Variants in SNIP1 observed in about 807,000 individuals in gnomAD.
The protein encoded by SNIP1 is smad nuclear-interacting protein 1.
In SNIP1, 23 loss-of-function variants were observed where a neutral mutation model predicts 37.4. The observed-to-expected ratio is 0.61, with a 90% CI of 0.44 to 0.87. SNIP1 has a LOEUF of 0.87. Ranked by LOEUF, SNIP1 falls within the 40% of genes least tolerant of loss-of-function variation. SNIP1 has a pLI of 0.00. For missense variants in SNIP1, 459 were observed against 540.4 expected, an observed-to-expected ratio of 0.85 and a Z score of 1.49; for synonymous variants, 174 against 200.0, an observed-to-expected ratio of 0.87 and a Z score of 1.10.
In SNIP1 at chr1:37,543,934, G is replaced by A. The variant is rs112233480; in HGVS notation, c.328-3179C>T. 5.6e-3 allele frequency among the ~76,000 whole-genome samples: 844 copies of A among 151,652 alleles called. 11 individuals carry two copies. Among genetic ancestry groups the A allele is most frequent in the African/African-American group, 0.019 (805 of 41,340 alleles). On this transcript the variant is annotated intron_variant, in intron 2 of 3. Coordinates refer to ENST00000296215, the MANE Select transcript of SNIP1 (RefSeq NM_024700.4). ...GGGGGGGGGCAGGTCACTTGAGGTC[G>A]GTCAGGAGTTCAAGACCAGCCTGGT...
chr1:37,546,309 A>G (rs959960956), intron 2 of SNIP1, among the ~76,000 whole-genome samples: 7 of 152,154 alleles, frequency 4.6e-5, no homozygotes, highest in African/African-American at 1.7e-4. Context: ...CAAGCTTGCC[A>G]CTGCTATCTG....
intron 2 of SNIP1, among the ~76,000 whole-genome samples, chr1:37,543,056 GAA>G (rs753130549): frequency 1.8e-4 from 19 of 106,256 alleles, no homozygotes; most frequent in African/African-American, 2.1e-4. Flanking sequence ...ACCCTGTCTT[GAA>G]AAAAAAAAAA....
chr1:37,550,423 A>G (rs997914199), intron 2 of SNIP1, among the ~76,000 whole-genome samples: 1 of 152,360 alleles, frequency 6.6e-6, no homozygotes, highest in Admixed American at 6.5e-5. Context: ...GGCAAAAGAT[A>G]GCTGGGCATG....
rs971050730 is a variant in SNIP1, at chr1:37,544,750, C to A, written c.328-3995G>T. 4 of 681,198 alleles carry A rather than the reference C, an allele frequency of 5.9e-6. No individual in the cohort carries two copies. In the Admixed American group the frequency reaches 7.7e-5, roughly 13 times the overall value. The allele number at this position is 681,198 out of a possible 1,614,324, so 42.2% of individuals were successfully genotyped here. On this transcript the variant is annotated intron_variant, in intron 2 of 3. Coordinates refer to ENST00000296215, the MANE Select transcript of SNIP1 (RefSeq NM_024700.4). ...CGTGCAGCCACCGCCGCACAGCCAC[C>A]GTGGCCACCACCATGACGACTGCGC... is the stretch of plus-strand genomic sequence containing the variant.
At chr1:37,542,605 T>A (rs900804468) in intron 2 of SNIP1, among the ~76,000 whole-genome samples, 8 of 151,714 alleles carry the variant, frequency 5.3e-5, no homozygotes, top group African/African-American at 1.9e-4. Flanking sequence ...CTGGGCACAG[T>A]GGTGCATGCC....
chr1:37,538,530 G>A (rs774335567), intron 3 of SNIP1, among the ~76,000 whole-genome samples: 1,355 of 121,976 alleles, frequency 0.011, 13 homozygotes, highest in Non-Finnish European at 0.017. Flanking sequence ...AAAAAAAAAA[G>A]GTGAGAATGA....
At position 37,554,291 on chromosome 1, in the gene SNIP1, G is replaced by A; in HGVS notation, c.-62C>T. 6.6e-7 allele frequency: 1 copy of A among 1,504,066 alleles called. No homozygotes were observed. 93.2% of individuals were successfully genotyped at this position (1,504,066 alleles called of 1,614,324 possible). ...TTGAGCTCCTCTAGCTGGAGGAAAT[G>A]ACGAGTTTAACTCCTGGACTTCCGC... is the stretch of plus-strand genomic sequence containing the variant. On this transcript the variant is annotated 5_prime_UTR_variant, in exon 1 of 4. Transcript: ENST00000296215.
chr1:37,549,969 CA>C (rs1025789380), intron 2 of SNIP1, among the ~76,000 whole-genome samples: 62 of 151,928 alleles, frequency 4.1e-4, no homozygotes, highest in African/African-American at 1.4e-3. Context: ...GACAAAAGAG[CA>C]AAAGTAATTC....
At chr1:37,544,846 C>T (rs1017112885) in intron 2 of SNIP1, 4 of 798,590 alleles carry the variant, frequency 5.0e-6, no homozygotes, top group Non-Finnish European at 8.9e-6. Context: ...ATGCCTCCTA[C>T]ATCTACCTGT....
At chr1:37,551,698 A>C (rs1414218389) in intron 2 of SNIP1, among the ~76,000 whole-genome samples, 5 of 152,128 alleles carry the variant, frequency 3.3e-5, no homozygotes. Context: ...CTAACACCCT[A>C]ATTTTTGACT....
chr1:37,551,439 C>T (rs934877586), intron 2 of SNIP1, among the ~76,000 whole-genome samples: 5 of 152,154 alleles, frequency 3.3e-5, no homozygotes, highest in East Asian at 1.9e-4. Context: ...GCCACTATTA[C>T]GGACTAAATT....
intron 1 of SNIP1, 93 bp downstream of exon 1, chr1:37,553,913 C>T: frequency 7.7e-7 from 1 of 1,303,800 alleles, no homozygotes; most frequent in Non-Finnish European, 1.1e-6. Flanking sequence ...GGCTGCTGCG[C>T]CCACCATTCA....
intron 3 of SNIP1, among the ~76,000 whole-genome samples, chr1:37,538,990 G>C (rs964354709): frequency 6.6e-6 from 1 of 152,108 alleles, no homozygotes; most frequent in African/African-American, 2.4e-5. Flanking sequence ...ACCCTATTGT[G>C]AACTGTGCAC....
intron 2 of SNIP1, among the ~76,000 whole-genome samples, chr1:37,551,451 T>C (rs151220815): frequency 1.3e-5 from 2 of 152,322 alleles, no homozygotes; most frequent in East Asian, 1.9e-4. Context: ...GACTAAATTG[T>C]ACCCTCCAAA....
rs979571407 is a variant in SNIP1, at chr1:37,534,606, A to G, written c.*3142T>C. ...CACGTTTAGATTCCGATTAAATGACATCATTTTGTTCCTCAGATCCTGACA... is the reference window on the plus strand; with the variant it reads ...CACGTTTAGATTCCGATTAAATGACGTCATTTTGTTCCTCAGATCCTGACA... On this transcript the variant is annotated 3_prime_UTR_variant, in exon 4 of 4. Coordinates refer to ENST00000296215, the MANE Select transcript of SNIP1 (RefSeq NM_024700.4). 6.6e-6 allele frequency: 1 copy of G among 152,226 alleles called. No individual in the cohort carries two copies. Among genetic ancestry groups the G allele is most frequent in the South Asian group, 2.1e-4 (1 of 4,834 alleles). 9.4% of individuals were successfully genotyped at this position (152,226 alleles called of 1,614,324 possible).
At chr1:37,539,285 T>C (rs957636298) in intron 3 of SNIP1, among the ~76,000 whole-genome samples, 2 of 152,208 alleles carry the variant, frequency 1.3e-5, no homozygotes, top group Non-Finnish European at 2.9e-5. Context: ...CCAAAAAGGT[T>C]GGGGACCACT....
chr1:37,553,926 A>C (rs1570032259), intron 1 of SNIP1, 80 bp downstream of exon 1: 1 of 1,444,200 alleles, frequency 6.9e-7, no homozygotes, highest in Non-Finnish European at 9.5e-7. Context: ...ACCATTCAAA[A>C]CCTGTTTCGG....
At chr1:37,544,577 G>C (rs1372980602) in intron 2 of SNIP1, among the ~76,000 whole-genome samples, 4 of 152,202 alleles carry the variant, frequency 2.6e-5, no homozygotes, top group Admixed American at 2.6e-4. Context: ...GTTCTTTGCG[G>C]AAAGTCCCTG....
At position 37,534,469 on chromosome 1, in the gene SNIP1, CT is replaced by C. The variant is rs1400372144; in HGVS notation, c.*3278del. 2.0e-5 allele frequency: 3 copies of C among 152,324 alleles called. No homozygotes were observed. Among genetic ancestry groups the C allele is most frequent in the Admixed American group, 6.5e-5 (1 of 15,292 alleles). 9.4% of individuals were successfully genotyped at this position (152,324 alleles called of 1,614,324 possible). ...CCAAATGAAGCTTTACATTCCAAAA[CT>C]TTAATGTCAATTAAGCAGCCTTTTC... On this transcript the variant is annotated 3_prime_UTR_variant, in exon 4 of 4. Transcript: ENST00000296215.
Sources: allele counts gnomAD v4.1 joint callset (sites outside exome capture counted in the v4.1 genomes callset), GRCh38; gene constraint gnomAD v4.1.1; transcripts MANE v1.5; gene names NCBI Gene and HGNC (gene_info 2026-07-23, HGNC 2026-07-21).